Variants in CRTAC1 observed in about 807,000 individuals in gnomAD.
The protein encoded by CRTAC1 is acidic secreted protein in cartilage.
CRTAC1 carries 37 observed loss-of-function variants against 67.8 expected under a neutral mutation model. The ratio of observed to expected loss-of-function variants is 0.55; its 90% confidence interval spans 0.42 to 0.72. CRTAC1 has a LOEUF of 0.72. CRTAC1 is among the 30% of genes least tolerant of loss of function. The pLI, the probability that CRTAC1 is intolerant of heterozygous loss-of-function variation, is 0.00. For synonymous variants in CRTAC1, 348 were observed against 371.0 expected, an observed-to-expected ratio of 0.94 and a Z score of 0.71; for missense variants, 780 against 931.6, an observed-to-expected ratio of 0.84 and a Z score of 2.12.
intron 14 of CRTAC1, among the ~76,000 whole-genome samples, chr10:97,875,623 A>G (rs993523559): frequency 2.0e-5 from 3 of 152,164 alleles, no homozygotes; most frequent in African/African-American, 7.2e-5. Context: ...ACAGGGAGGC[A>G]GGGAGGGGCT....
intron 7 of CRTAC1, among the ~76,000 whole-genome samples, chr10:97,902,532 G>T (rs1034695418): frequency 6.6e-6 from 1 of 152,214 alleles, no homozygotes; most frequent in Non-Finnish European, 1.5e-5. Context: ...GGCCTTGGGG[G>T]ACCAGGCAAA....
chr10:97,865,840 G>A, intron 14 of CRTAC1, 126 bp from the exon 15 acceptor site: 1 of 1,262,260 alleles, frequency 7.9e-7, no homozygotes, highest in South Asian at 1.5e-5. Context: ...GAGGGTGACG[G>A]GCCTCATATT....
chr10:97,925,137 G>A (rs1238330889), intron 3 of CRTAC1, among the ~76,000 whole-genome samples: 1 of 152,154 alleles, frequency 6.6e-6, no homozygotes, highest in Non-Finnish European at 1.5e-5. Context: ...CAGGTGTGGT[G>A]GCACATGCCT....
At chr10:97,969,432 C>A (rs975773061) in intron 2 of CRTAC1, among the ~76,000 whole-genome samples, 2 of 152,150 alleles carry the variant, frequency 1.3e-5, no homozygotes, top group South Asian at 2.1e-4. Context: ...GGGCCCCTTG[C>A]CCTTCCTTTC....
chr10:97,901,586 G>A lies in CRTAC1; in HGVS notation c.1050C>T (p.Thr350=), dbSNP rs141725812. The A allele has an allele frequency of 3.5e-5, 56 of 1,614,204 alleles. No homozygotes were observed. Among genetic ancestry groups the A allele is most frequent in the African/African-American group, 2.8e-4 (21 of 75,048 alleles). The change falls in exon 8 of 15, where the codon ACC becomes ACT. Residue 350 remains threonine (T), a synonymous_variant. Coordinates refer to ENST00000370597, the MANE Select transcript of CRTAC1 (RefSeq NM_018058.7). ...SMPSPVRTVI[T]ADFDNDQELE... is the part of the protein sequence containing the mutation. ...GCTCCTGGTCATTGTCAAAGTCGGC[G>A]GTGATGACCGTGCGGACAGGGGAGG...
chr10:97,886,769 T>C (rs2050292258), intron 11 of CRTAC1, among the ~76,000 whole-genome samples: 1 of 151,096 alleles, frequency 6.6e-6, no homozygotes, highest in Admixed American at 6.6e-5. Flanking sequence ...CTCAGCCTCC[T>C]GAGTAGTTGG....
chr10:97,962,869 G>C (rs1448681467), intron 2 of CRTAC1, among the ~76,000 whole-genome samples: 1 of 149,912 alleles, frequency 6.7e-6, no homozygotes, highest in African/African-American at 2.5e-5. Context: ...AGGAGGAAAA[G>C]AATAGCAAAA....
At chr10:97,928,490 T>G (rs1393482889) in intron 3 of CRTAC1, among the ~76,000 whole-genome samples, 2 of 152,210 alleles carry the variant, frequency 1.3e-5, no homozygotes, top group Non-Finnish European at 2.9e-5. Context: ...ATATTCTCAT[T>G]AACCCTCACC....
At chr10:97,972,636 C>T (rs955437320) in intron 2 of CRTAC1, among the ~76,000 whole-genome samples, 1 of 152,164 alleles carries the variant, frequency 6.6e-6, no homozygotes, top group Non-Finnish European at 1.5e-5. Flanking sequence ...CACTGAGATA[C>T]TATATATAGT....
At chr10:98,027,902 C>CT (rs1843271601) in intron 1 of CRTAC1, among the ~76,000 whole-genome samples, 1 of 152,214 alleles carries the variant, frequency 6.6e-6, no homozygotes, top group Non-Finnish European at 1.5e-5. Context: ...ATCCTAGGGC[C>CT]TAGTTCCATG....
intron 5 of CRTAC1, among the ~76,000 whole-genome samples, 196 bp downstream of exon 5, chr10:97,917,304 C>T (rs2050773167): frequency 6.6e-6 from 1 of 152,208 alleles, no homozygotes; most frequent in South Asian, 2.1e-4. Context: ...CCAGATATCT[C>T]ACCAATGCTT....
In CRTAC1 at chr10:97,884,533, T is replaced by C. The variant is rs150108730; in HGVS notation, c.1487-182A>G. On this transcript the variant is annotated intron_variant, in intron 11 of 14. Coordinates refer to ENST00000370597, the MANE Select transcript of CRTAC1 (RefSeq NM_018058.7). ...TCCTCTCTGGAGCAATGCTGTCCAA[T>C]AGACCTGTCTGTCTGCAAGGACAGA... 73 of 611,512 alleles carry C rather than the reference T, an allele frequency of 1.2e-4. No homozygotes were observed. In the African/African-American group the frequency reaches 1.2e-3, roughly 10 times the overall value. The allele number at this position is 611,512 out of a possible 1,614,324, so 37.9% of individuals were successfully genotyped here. A position where few individuals can be genotyped will look rare whatever the true frequency, so the allele number is the denominator to read the frequency against.
chr10:97,961,366 TA>T (rs2051522731), intron 2 of CRTAC1, among the ~76,000 whole-genome samples: 1 of 152,174 alleles, frequency 6.6e-6, no homozygotes, highest in African/African-American at 2.4e-5. Flanking sequence ...CATCATTACT[TA>T]GGGGGGAAAA....
intron 14 of CRTAC1, chr10:97,879,825 G>T (rs902798547): frequency 9.9e-7 from 1 of 1,007,278 alleles, no homozygotes; most frequent in African/African-American, 1.9e-5. Flanking sequence ...GCGGCGGGGA[G>T]ACAGAAAATG....
At chr10:97,915,265 G>A (rs1306384476) in intron 5 of CRTAC1, among the ~76,000 whole-genome samples, 1 of 152,228 alleles carries the variant, frequency 6.6e-6, no homozygotes, top group African/African-American at 2.4e-5. Flanking sequence ...GCGGGCTGTG[G>A]CAGTTTAAGC....
chr10:97,882,268 C>T (rs2050225271), intron 13 of CRTAC1, among the ~76,000 whole-genome samples: 1 of 152,182 alleles, frequency 6.6e-6, no homozygotes, highest in Non-Finnish European at 1.5e-5. Context: ...TGGGGACTTT[C>T]AGAAGGTTCT....
intron 2 of CRTAC1, among the ~76,000 whole-genome samples, chr10:97,939,634 A>G (rs1158672048): frequency 6.6e-6 from 1 of 151,950 alleles, no homozygotes; most frequent in Non-Finnish European, 1.5e-5. Context: ...ACAATCCCCC[A>G]AGAAAACCAG....
In CRTAC1 at chr10:97,889,453, T is replaced by TG. The variant is rs372820099; in HGVS notation, c.1487-5103dup. Among the ~76,000 whole-genome samples, 794 of 95,092 alleles carry TG rather than the reference T, an allele frequency of 8.3e-3. 2 individuals carry two copies. The highest frequency in any genetic ancestry group is 0.031 in the Middle Eastern group (6 of 194). 62.4% of individuals were successfully genotyped at this position (95,092 alleles called of 152,430 possible). On this transcript the variant is annotated intron_variant, in intron 11 of 14. Transcript: ENST00000370597. ...GGTGAAGAGGGGCTGTGGAACTTGG[T>TG]GGGGGGGGGTCCACTGAGCAAGGCA... is the stretch of plus-strand genomic sequence containing the variant.
Position 97,923,250 on chromosome 10 carries a change from GC to G in CRTAC1, c.558+13del. 1 of 1,613,816 alleles carries G rather than the reference GC, an allele frequency of 6.2e-7. No individual in the cohort carries two copies. The highest frequency in any genetic ancestry group is 8.5e-7 in the Non-Finnish European group (1 of 1,180,008). On this transcript the variant is annotated intron_variant, in intron 4 of 14. Coordinates refer to ENST00000370597, the MANE Select transcript of CRTAC1 (RefSeq NM_018058.7). ...GTGGCTTCTCCCCAGGACCCCATGTGCCCCTGCACTCACCTTTCTGTCCACA... is the reference window on the plus strand; with the variant it reads ...GTGGCTTCTCCCCAGGACCCCATGTGCCCTGCACTCACCTTTCTGTCCACA...
Sources: gnomAD v4.1 joint callset for allele counts (sites outside exome capture counted in the v4.1 genomes callset) on GRCh38, gnomAD v4.1.1 for gene constraint, MANE v1.5 for transcripts, NCBI Gene and HGNC (gene_info 2026-07-23, HGNC 2026-07-21) for gene names.